EYA4: variants seen among roughly 807,000 people sequenced by gnomAD.
EYA4 encodes protein phosphatase EYA4.
A neutral mutation model predicts 87.9 loss-of-function variants in EYA4; 31 were observed. The observed-to-expected ratio is 0.35, with a 90% CI of 0.27 to 0.48. The LOEUF (loss-of-function observed/expected upper bound fraction) is 0.48, where lower values mean the gene tolerates loss of function less well. Ranked by LOEUF, EYA4 falls within the 20% of genes least tolerant of loss-of-function variation. The pLI is 0.99. For missense variants in EYA4, 678 were observed against 761.4 expected (o/e 0.89, Z 1.29); for synonymous variants, 263 against 270.6 (o/e 0.97, Z 0.28).
At chr6:133,335,619 G>A (rs1385636173) in intron 2 of EYA4, among the ~76,000 whole-genome samples, 4 of 152,162 alleles carry the variant, frequency 2.6e-5, no homozygotes, top group African/African-American at 9.7e-5. Context: ...GGGATTGATT[G>A]AAGACTAAAA....
intron 2 of EYA4, among the ~76,000 whole-genome samples, chr6:133,280,996 T>G (rs1777578408): frequency 6.6e-6 from 1 of 152,170 alleles, no homozygotes; most frequent in South Asian, 2.1e-4. Flanking sequence ...GCTTGCTTTT[T>G]ATACGTGACA....
intron 3 of EYA4, among the ~76,000 whole-genome samples, chr6:133,398,119 AG>A (rs1277132294): frequency 1.3e-5 from 2 of 152,160 alleles, no homozygotes; most frequent in Non-Finnish European, 2.9e-5. Flanking sequence ...AAAAAAGAAA[AG>A]GGGGGGAGGA....
Position 133,307,352 on chromosome 6 carries a change from A to G in EYA4, c.33+32539A>G, listed in dbSNP as rs1779890030. ...CTGGAGAGATAAAATTCAAGTTTGT[A>G]TCTTTTAAAAGCTTCAGCAGAAATG... is the stretch of plus-strand genomic sequence containing the variant. On this transcript the variant is annotated intron_variant, in intron 2 of 19. Transcript: ENST00000355286. Among the ~76,000 whole-genome samples, 3 of 152,340 alleles carry G rather than the reference A, an allele frequency of 2.0e-5. No homozygotes were observed. The South Asian group carries it at 6.2e-4, about 32-fold the overall frequency.
Position 133,278,792 on chromosome 6 carries a change from A to G in EYA4, c.33+3979A>G, listed in dbSNP as rs59503527. On this transcript the variant is annotated intron_variant, in intron 2 of 19. Transcript: ENST00000355286. ...TAAGAGATAAGCAACTAAAAAGAAT[A>G]TTTAACTGTCATAAATTTATCTGCA... 4.3e-3 allele frequency among the ~76,000 whole-genome samples: 656 copies of G among 152,298 alleles called. 6 individuals carry two copies. The highest frequency in any genetic ancestry group is 0.015 in the African/African-American group (621 of 41,582).
At chr6:133,316,561 T>G (rs1780637580) in intron 2 of EYA4, among the ~76,000 whole-genome samples, 1 of 152,206 alleles carries the variant, frequency 6.6e-6, no homozygotes, top group East Asian at 1.9e-4. Flanking sequence ...GACTTCAACC[T>G]ACCAATTCCA....
At chr6:133,256,191 T>A (rs1479944278) in intron 1 of EYA4, among the ~76,000 whole-genome samples, 1 of 151,038 alleles carries the variant, frequency 6.6e-6, no homozygotes, top group East Asian at 1.9e-4. Flanking sequence ...ATTAACGATA[T>A]ATATTTAATA....
At chr6:133,459,935 C>A (rs749945045) in intron 6 of EYA4, among the ~76,000 whole-genome samples, 1 of 151,940 alleles carries the variant, frequency 6.6e-6, no homozygotes, top group Non-Finnish European at 1.5e-5. Flanking sequence ...TGAAAATATT[C>A]TTTCCATATT....
upstream of EYA4, chr6:133,241,299 G>A (rs1336951467): frequency 1.3e-5 from 2 of 152,080 alleles, no homozygotes; most frequent in South Asian, 2.1e-4. Flanking sequence ...CCACCTCCCT[G>A]CGCAAGTGCG....
chr6:133,329,614 G>A (rs940423504), intron 2 of EYA4, among the ~76,000 whole-genome samples: 2 of 152,020 alleles, frequency 1.3e-5, no homozygotes, highest in African/African-American at 2.4e-5. Flanking sequence ...AAATGTGGAT[G>A]CCCATGAATG....
chr6:133,277,838 A>G (rs1777305585), intron 2 of EYA4, among the ~76,000 whole-genome samples: 1 of 152,192 alleles, frequency 6.6e-6, no homozygotes. Context: ...TTCATCCCGC[A>G]TCTCAAAGCT....
At chr6:133,418,875 T>C (rs1789978268) in intron 3 of EYA4, among the ~76,000 whole-genome samples, 1 of 152,168 alleles carries the variant, frequency 6.6e-6, no homozygotes, top group Non-Finnish European at 1.5e-5. Context: ...AGCAGTAATT[T>C]CTAAAGTAAT....
intron 3 of EYA4, among the ~76,000 whole-genome samples, chr6:133,422,421 T>C (rs1406439887): frequency 2.0e-5 from 3 of 152,258 alleles, no homozygotes; most frequent in Non-Finnish European, 4.4e-5. Flanking sequence ...ATATTCTTTA[T>C]ATTTATTCCT....
intron 3 of EYA4, among the ~76,000 whole-genome samples, chr6:133,425,996 A>T (rs564177913): frequency 6.6e-6 from 1 of 151,132 alleles, no homozygotes; most frequent in Admixed American, 6.5e-5. Flanking sequence ...GCCGTTTCCC[A>T]TCTCCATGCC....
At chr6:133,244,744 A>G (rs1774267374) in intron 1 of EYA4, among the ~76,000 whole-genome samples, 1 of 152,026 alleles carries the variant, frequency 6.6e-6, no homozygotes, top group Non-Finnish European at 1.5e-5. Context: ...ATCCAATTTC[A>G]TGTTTTCAGT....
chr6:133,329,032 G>C (rs1336321709), intron 2 of EYA4, among the ~76,000 whole-genome samples: 1 of 152,020 alleles, frequency 6.6e-6, no homozygotes. Flanking sequence ...AAACTTTTAA[G>C]CAGAAGCCTC....
rs1774146505 is a variant in EYA4, at chr6:133,243,511, C to T, written c.-66+1762C>T. 1.3e-5 allele frequency among the ~76,000 whole-genome samples: 2 copies of T among 151,632 alleles called. 1 individual carries two copies. Among genetic ancestry groups the T allele is most frequent in the South Asian group, 4.2e-4 (2 of 4,770 alleles). ...CCCATCAGCAGCTTCTGAAGTTTCA[C>T]TTACACGTAGGTGACTGACAGGATT... On this transcript the variant is annotated intron_variant, in intron 1 of 19. Coordinates refer to ENST00000355286, the MANE Select transcript of EYA4 (RefSeq NM_004100.5).
At chr6:133,283,464 A>G (rs1252447354) in intron 2 of EYA4, among the ~76,000 whole-genome samples, 14 of 152,178 alleles carry the variant, frequency 9.2e-5, no homozygotes, top group African/African-American at 3.4e-4. Context: ...AAAAAAGTTA[A>G]TGTTCATCGA....
intron 2 of EYA4, among the ~76,000 whole-genome samples, chr6:133,361,245 A>G (rs1251756012): frequency 6.6e-6 from 1 of 152,216 alleles, no homozygotes; most frequent in African/African-American, 2.4e-5. Context: ...AAAAGCAGGC[A>G]TGCTTACTGT....
At chr6:133,459,639 AAC>A (rs1217659205) in intron 6 of EYA4, among the ~76,000 whole-genome samples, 1 of 152,174 alleles carries the variant, frequency 6.6e-6, no homozygotes, top group Non-Finnish European at 1.5e-5. Flanking sequence ...TCTTTGGAAT[AAC>A]ACTACTATTA....
Sources: allele counts gnomAD v4.1 joint callset (sites outside exome capture counted in the v4.1 genomes callset), GRCh38; gene constraint gnomAD v4.1.1; transcripts MANE v1.5; gene names NCBI Gene and HGNC (gene_info 2026-07-23, HGNC 2026-07-21).